ADAM7: variants seen among roughly 807,000 people sequenced by gnomAD.
The protein encoded by ADAM7 is disintegrin and metalloproteinase domain-containing protein 7.
ADAM7 carries 97 observed loss-of-function variants against 102.9 expected under a neutral mutation model. The observed-to-expected ratio is 0.94, with a 90% CI of 0.80 to 1.12. The LOEUF (loss-of-function observed/expected upper bound fraction) is 1.12. Ranked by LOEUF, ADAM7 falls within the 50% of genes most tolerant of loss-of-function variation. The probability of loss-of-function intolerance (pLI) is 0.00; values close to 1 mark genes in which losing one functional copy is unlikely to be tolerated. For synonymous variants in ADAM7, 334 were observed against 304.4 expected (o/e 1.10, Z -1.01); for missense variants, 991 against 908.7 (o/e 1.09, Z -1.16).
Position 24,493,155 on chromosome 8 carries a change from A to G in ADAM7, c.1768A>G (p.Lys590Glu), listed in dbSNP as rs771658216. ...DPQKNATVKC[K>E]TIFLYHDSTD... ...CCAGAAGAATGCTACTGTCAAATGC[A>G]AAACTATTTTTTTATACCATGATTC... The change falls in exon 16 of 22, where the codon AAA becomes GAA. Residue 590 changes from lysine to glutamate, a missense_variant. Transcript: ENST00000175238. 7.4e-6 allele frequency: 12 copies of G among 1,613,512 alleles called. No individual in the cohort carries two copies. The highest frequency in any genetic ancestry group is 1.3e-5 in the African/African-American group (1 of 75,028).
intron 3 of ADAM7, among the ~76,000 whole-genome samples, chr8:24,449,533 T>C (rs1312080010): frequency 1.3e-5 from 2 of 152,238 alleles, no homozygotes; most frequent in Non-Finnish European, 2.9e-5. Flanking sequence ...GAGTTCATTG[T>C]AGATTCTGGA....
rs181609484 is a variant in ADAM7 at position 24,463,864 on chromosome 8, G to C, written c.234-18G>C. 5.2e-3 allele frequency: 8,382 copies of C among 1,603,694 alleles called. 33 individuals are homozygous for C. The highest frequency in any genetic ancestry group is 5.9e-3 in the Non-Finnish European group (6,930 of 1,171,066). ...TTAGAACGAACAAATCTCACCACCT[G>C]TCTGCCCTCTTTTTCAGGGAGTTCC... On this transcript the variant is annotated intron_variant, in intron 3 of 21. Transcript: ENST00000175238.
At chr8:24,455,192 C>T (rs556548156) in intron 3 of ADAM7, among the ~76,000 whole-genome samples, 1 of 152,020 alleles carries the variant, frequency 6.6e-6, no homozygotes, top group Admixed American at 6.5e-5. Flanking sequence ...ATCCATATAC[C>T]CGCTAACATA....
In ADAM7 at chr8:24,443,369, T is replaced by C. The variant is rs957011976; in HGVS notation, c.156+793T>C. Among the ~76,000 whole-genome samples the C allele has an allele frequency of 2.0e-5, 3 of 152,220 alleles. No homozygotes were observed. In the South Asian group the frequency reaches 6.2e-4, roughly 32 times the overall value. ...ATAAATTAGATACACTTCACTTTTC[T>C]AAACAGTCCCACTGAGATCTGTTTC... is the stretch of plus-strand genomic sequence containing the variant. On this transcript the variant is annotated intron_variant, in intron 2 of 21. Transcript: ENST00000175238.
chr8:24,464,050 T>G (rs922734388), intron 4 of ADAM7, 90 bp downstream of exon 4: 11 of 1,154,370 alleles, frequency 9.5e-6, no homozygotes, highest in Admixed American at 2.0e-5. Context: ...ACAAGCTGTT[T>G]CAGAAAGTAC....
rs929171950 is a variant in ADAM7 at position 24,450,825 on chromosome 8, T to C, written c.233+3563T>C. ...TCTTATTATTTTGAGATACATCCCA[T>C]CAATACCTAATGTATTGAGAGTTTT... On this transcript the variant is annotated intron_variant, in intron 3 of 21. Transcript: ENST00000175238. Among the ~76,000 whole-genome samples, 396 of 152,330 alleles carry C rather than the reference T, an allele frequency of 2.6e-3. 1 individual carries two copies. The highest frequency in any genetic ancestry group is 9.1e-3 in the African/African-American group (378 of 41,558).
chr8:24,499,361 AT>A, intron 17 of ADAM7, 45 bp downstream of exon 17: 1 of 1,454,464 alleles, frequency 6.9e-7, no homozygotes, highest in South Asian at 1.3e-5. Context: ...TCAGCCATAT[AT>A]TTACTTTATT....
Position 24,491,947 on chromosome 8 carries a change from T to C in ADAM7, c.1401T>C (p.Cys467=). 3 of 1,613,348 alleles carry C rather than the reference T, an allele frequency of 1.9e-6. No individual in the cohort carries two copies. The highest frequency in any genetic ancestry group is 1.1e-5 in the South Asian group (1 of 90,952). Residue 467 remains cysteine, a synonymous_variant, in exon 14 of 22, where the codon TGT becomes TGC. Transcript: ENST00000175238. ...TATGCAGACCGGCGAAAGATGAATG[T>C]GATTTTCCTGAGATGTGCACTGGCC... ...GSICRPAKDE[C]DFPEMCTGHS...
chr8:24,456,590 A>G (rs982221600), intron 3 of ADAM7, among the ~76,000 whole-genome samples: 4 of 151,314 alleles, frequency 2.6e-5, no homozygotes, highest in Non-Finnish European at 4.4e-5. Context: ...AAAGTTCTTC[A>G]TGCTTCTCCT....
intron 1 of ADAM7, 114 bp downstream of exon 1, chr8:24,441,274 G>T: frequency 1.9e-6 from 2 of 1,040,250 alleles, no homozygotes; most frequent in Non-Finnish European, 1.5e-6. Context: ...TGATTTTTCT[G>T]AGAGCTTCGA....
chr8:24,460,515 G>C (rs1016643661), intron 3 of ADAM7, among the ~76,000 whole-genome samples: 2 of 151,538 alleles, frequency 1.3e-5, no homozygotes, highest in Admixed American at 6.6e-5. Context: ...TTCCCTGCTG[G>C]CTTCTTATTA....
rs1821040552 is a variant in ADAM7, at chr8:24,509,208, C to T, written c.*662C>T. On this transcript the variant is annotated 3_prime_UTR_variant, in exon 22 of 22. Coordinates refer to ENST00000175238, the MANE Select transcript of ADAM7 (RefSeq NM_003817.4). ...TTCCTTAAGAAGCTGACAGAGAAAT[C>T]AGAGGGTTACAAGAATTTCAGAAAA... is the stretch of plus-strand genomic sequence containing the variant. The T allele has an allele frequency of 1.0e-6, 1 of 985,264 alleles. No individual in the cohort carries two copies. The highest frequency in any genetic ancestry group is 6.2e-5 in the Admixed American group (1 of 16,244). 61.0% of individuals were successfully genotyped at this position (985,264 alleles called of 1,614,324 possible).
At chr8:24,444,387 C>G (rs1461330358) in intron 2 of ADAM7, among the ~76,000 whole-genome samples, 1 of 151,664 alleles carries the variant, frequency 6.6e-6, no homozygotes, top group African/African-American at 2.4e-5. Flanking sequence ...AAATCCCCAC[C>G]CATTAAGTGT....
At chr8:24,470,353 A>T (rs1359160603) in intron 7 of ADAM7, among the ~76,000 whole-genome samples, 1 of 152,160 alleles carries the variant, frequency 6.6e-6, no homozygotes, top group African/African-American at 2.4e-5. Context: ...AAAGGTAGTC[A>T]CAATTTTACA....
chr8:24,500,689 A>G, intron 18 of ADAM7, 101 bp from the exon 19 acceptor site: 1 of 868,086 alleles, frequency 1.2e-6, no homozygotes, highest in Non-Finnish European at 1.8e-6. Context: ...GAAGTTCTAT[A>G]GAAAGGAATA....
intron 20 of ADAM7, among the ~76,000 whole-genome samples, chr8:24,503,825 A>G (rs1820848104): frequency 6.6e-6 from 1 of 152,000 alleles, no homozygotes; most frequent in African/African-American, 2.4e-5. Flanking sequence ...GAGTTGAGCA[A>G]TGAGAACACA....
intron 3 of ADAM7, among the ~76,000 whole-genome samples, chr8:24,455,348 A>C (rs1035003184): frequency 6.6e-6 from 1 of 152,188 alleles, no homozygotes; most frequent in African/African-American, 2.4e-5. Context: ...TATATTACAG[A>C]CATCAGTTTA....
intron 6 of ADAM7, among the ~76,000 whole-genome samples, chr8:24,468,104 C>A (rs1819490308): frequency 6.6e-6 from 1 of 151,730 alleles, no homozygotes; most frequent in African/African-American, 2.4e-5. Context: ...AAAAAAAGAT[C>A]TATGATTAGC....
chr8:24,499,574 G>A (rs571007285), intron 17 of ADAM7, among the ~76,000 whole-genome samples: 2 of 152,088 alleles, frequency 1.3e-5, no homozygotes, highest in East Asian at 3.9e-4. Flanking sequence ...GAAATTCAGT[G>A]ATTCATGTAT....
Sources: gnomAD v4.1 joint callset for allele counts (sites outside exome capture counted in the v4.1 genomes callset) on GRCh38, gnomAD v4.1.1 for gene constraint, MANE v1.5 for transcripts, NCBI Gene and HGNC (gene_info 2026-07-23, HGNC 2026-07-21) for gene names.